Variants in PRKN observed in about 807,000 individuals in gnomAD.
PRKN encodes the protein E3 ubiquitin-protein ligase parkin.
PRKN carries 56 observed loss-of-function variants against 59.5 expected under a neutral mutation model. The ratio of observed to expected loss-of-function variants is 0.94; its 90% CI spans 0.76 to 1.18. PRKN has a LOEUF of 1.18. Among genes scored for constraint, PRKN ranks in the 50% most tolerant of loss-of-function variants. The pLI is 0.00. For synonymous variants in PRKN, 250 were observed against 222.1 expected, an observed-to-expected ratio of 1.13 and a Z score of -1.12; for missense variants, 657 against 596.4, an observed-to-expected ratio of 1.10 and a Z score of -1.06.
At chr6:162,608,157 A>G (rs1781998791) in intron 1 of PRKN, among the ~76,000 whole-genome samples, 1 of 152,192 alleles carries the variant, frequency 6.6e-6, no homozygotes, top group South Asian at 2.1e-4. Flanking sequence ...AGCATAAACA[A>G]TGGTGTTATT....
At chr6:162,727,411 G>A in intron 1 of PRKN, 2 of 478,534 alleles carry the variant, frequency 4.2e-6, no homozygotes, top group Non-Finnish European at 7.3e-6. Flanking sequence ...TGGCGTCCCC[G>A]TCGAGGCGGT....
chr6:162,475,973 T>A (rs62428769), intron 1 of PRKN, among the ~76,000 whole-genome samples: 22,421 of 115,834 alleles, frequency 0.19, 1,831 homozygotes, highest in Non-Finnish European at 0.23. Flanking sequence ...GATGGTCTTG[T>A]TCTCACCTCG....
Position 161,447,257 on chromosome 6 carries a change from G to T in PRKN, c.1084-60380C>A, listed in dbSNP as rs924432088. On this transcript the variant is annotated intron_variant, in intron 9 of 11. Coordinates refer to ENST00000366898, the MANE Select transcript of PRKN (RefSeq NM_004562.3). This position sits in a 1 kb window ranked among gnomAD's most constrained non-coding sequence, Gnocchi z 4.1. The stretch of plus-strand genomic sequence containing the variant: ...CTTTTCCTGCGTGTCTAAATTCTTC[G>T]GTTCTCTCTGACATGCTCAATCTAG... Among the ~76,000 whole-genome samples, 1 of 151,946 alleles carries T rather than the reference G, an allele frequency of 6.6e-6. No homozygotes were observed. Among genetic ancestry groups the T allele is most frequent in the Non-Finnish European group, 1.5e-5 (1 of 67,978 alleles).
chr6:161,970,281 A>T (rs12200722), intron 6 of PRKN, among the ~76,000 whole-genome samples: 1,903 of 151,918 alleles, frequency 0.013, 34 homozygotes, highest in African/African-American at 0.043. Context: ...AGCTCAAGCA[A>T]TCTGCCTGCC....
chr6:162,612,997 G>T (rs1345361190), intron 1 of PRKN, among the ~76,000 whole-genome samples: 1 of 152,112 alleles, frequency 6.6e-6, no homozygotes, highest in East Asian at 1.9e-4. Flanking sequence ...TCAAATATTG[G>T]TTTAAAAGAC....
intron 6 of PRKN, among the ~76,000 whole-genome samples, chr6:161,895,974 T>G (rs537352610): frequency 6.6e-6 from 1 of 151,940 alleles, no homozygotes; most frequent in Non-Finnish European, 1.5e-5. Flanking sequence ...TGGTGGGAAG[T>G]GAACAAGTAA....
At position 161,786,241 on chromosome 6, in the gene PRKN, T is replaced by G. The variant is rs147645912; in HGVS notation, c.735-333A>C. 5.2e-3 allele frequency among the ~76,000 whole-genome samples: 797 copies of G among 152,212 alleles called. 9 individuals are homozygous for G. Among genetic ancestry groups the G allele is most frequent in the African/African-American group, 0.018 (755 of 41,538 alleles). On this transcript the variant is annotated intron_variant, in intron 6 of 11. Transcript: ENST00000366898. ...CCAATTAACCTATCAAATCATCCCA[T>G]CTGCTTGTATATATTTCTATTGATC...
intron 9 of PRKN, among the ~76,000 whole-genome samples, chr6:161,452,548 GTTTT>G (rs970729064): frequency 1.6e-4 from 24 of 152,244 alleles, no homozygotes; most frequent in Admixed American, 1.5e-3. Flanking sequence ...TTGGTTCTGT[GTTTT>G]TTAATTCTTT....
In PRKN at chr6:161,415,558, T is replaced by C. The variant is rs1667453985; in HGVS notation, c.1084-28681A>G. On this transcript the variant is annotated intron_variant, in intron 9 of 11. Transcript: ENST00000366898. ...AGCCTTCCAGGTGTTATAACTCTTT[T>C]CTCACGCCTCTCTTACAATCCTCAG... is the stretch of plus-strand genomic sequence containing the variant. Among the ~76,000 whole-genome samples the C allele has an allele frequency of 2.7e-5, 4 of 146,256 alleles. No individual in the cohort carries two copies. The South Asian group carries it at 8.9e-4, about 32-fold the overall frequency.
chr6:161,385,227 C>T lies in PRKN; in HGVS notation c.1167+1567G>A, dbSNP rs1469554567. 2.0e-5 allele frequency among the ~76,000 whole-genome samples: 3 copies of T among 152,062 alleles called. No homozygotes were observed. The highest frequency in any genetic ancestry group is 1.3e-4 in the Admixed American group (2 of 15,266). Reference sequence around the variant, plus strand: ...ACAGGCATAAGCCACCTCGCCCGGCCGGGAAATATACTTTTCAATGCATTT... The same window carrying T: ...ACAGGCATAAGCCACCTCGCCCGGCTGGGAAATATACTTTTCAATGCATTT... On this transcript the variant is annotated intron_variant, in intron 10 of 11. Transcript: ENST00000366898. The surrounding 1 kb of genome is among the most constrained non-coding windows in gnomAD (Gnocchi z 4.9).
chr6:162,636,237 T>C (rs2077934), intron 1 of PRKN, among the ~76,000 whole-genome samples: 125,752 of 151,856 alleles, frequency 0.83, 52,391 homozygotes, highest in East Asian at 0.95. Context: ...TGTTTTTTCT[T>C]TTGCAACAAG....
chr6:162,235,937 G>GAAA (rs1778648853), intron 3 of PRKN, among the ~76,000 whole-genome samples: 1 of 81,990 alleles, frequency 1.2e-5, no homozygotes, highest in Non-Finnish European at 2.1e-5. Flanking sequence ...AAGGAAGGAA[G>GAAA]GAAGGAAGGA....
intron 9 of PRKN, among the ~76,000 whole-genome samples, chr6:161,426,182 A>G (rs1788346508): frequency 6.6e-6 from 1 of 152,124 alleles, no homozygotes; most frequent in African/African-American, 2.4e-5. Flanking sequence ...AGAAAATGAG[A>G]TGTCCCACTG....
chr6:162,689,179 C>A (rs1200853098), intron 1 of PRKN, among the ~76,000 whole-genome samples: 1 of 152,180 alleles, frequency 6.6e-6, no homozygotes, highest in East Asian at 1.9e-4. Flanking sequence ...GGCTCTGCAA[C>A]CCTGTGGGTT....
At chr6:162,299,440 C>T (rs1453628298) in intron 2 of PRKN, among the ~76,000 whole-genome samples, 3 of 151,830 alleles carry the variant, frequency 2.0e-5, no homozygotes, top group Non-Finnish European at 4.4e-5. Context: ...GCAGCTTCTT[C>T]GATAAAAACA....
rs143827293 is a variant in PRKN, at chr6:162,273,284, T to G, written c.172-10519A>C. On this transcript the variant is annotated intron_variant, in intron 2 of 11. Transcript: ENST00000366898. ...GAATGGGAGCCATGTTTCCCTAACG[T>G]GACTATCTACAGTTTCAGGTGTGAG... is the stretch of plus-strand genomic sequence containing the variant. Among the ~76,000 whole-genome samples, 191 of 152,204 alleles carry G rather than the reference T, an allele frequency of 1.3e-3. 2 individuals are homozygous for G. Among genetic ancestry groups the G allele is most frequent in the African/African-American group, 4.5e-3 (185 of 41,540 alleles).
intron 6 of PRKN, among the ~76,000 whole-genome samples, chr6:161,910,206 T>C (rs1778303678): frequency 6.6e-6 from 1 of 152,202 alleles, no homozygotes. Context: ...CGTCTACTTC[T>C]AGGGAAGATG....
chr6:161,532,070 C>G (rs781141314), intron 9 of PRKN, among the ~76,000 whole-genome samples: 8 of 151,694 alleles, frequency 5.3e-5, no homozygotes, highest in Non-Finnish European at 1.0e-4. Flanking sequence ...AAACTAATTT[C>G]AATTTAAAAT....
chr6:161,617,354 C>T (rs1039099472), intron 7 of PRKN, among the ~76,000 whole-genome samples: 4 of 152,182 alleles, frequency 2.6e-5, no homozygotes, highest in Non-Finnish European at 2.9e-5. Context: ...ATTGTGTAGG[C>T]TGCCTGTTCA....
Sources: gnomAD v4.1 joint callset for allele counts (sites outside exome capture counted in the v4.1 genomes callset) on GRCh38, gnomAD v4.1.1 for gene constraint, Gnocchi (gnomAD v3.1) non-coding constraint, MANE v1.5 for transcripts, NCBI Gene and HGNC (gene_info 2026-07-23, HGNC 2026-07-21) for gene names.